GRID2: variants seen among roughly 807,000 people sequenced by gnomAD.
GRID2 encodes the protein glutamate ionotropic receptor delta type subunit 2, also known as glutamate receptor ionotropic, delta-2.
GRID2 carries 33 observed loss-of-function variants against 114.8 expected under a neutral mutation model. The observed-to-expected ratio is 0.29, with a 90% confidence interval of 0.22 to 0.38. GRID2 has a LOEUF of 0.38. Ranked by LOEUF, GRID2 falls within the 10% of genes least tolerant of loss-of-function variation. The pLI, the probability that GRID2 is intolerant of heterozygous loss-of-function variation, is 1.00. For missense variants in GRID2, 1,184 were observed against 1,257.7 expected (o/e 0.94, Z 0.89); for synonymous variants, 505 against 449.9 (o/e 1.12, Z -1.55).
At chr4:93,227,439 G>T (rs1307197039) in intron 7 of GRID2, among the ~76,000 whole-genome samples, 1 of 151,968 alleles carries the variant, frequency 6.6e-6, no homozygotes, top group Non-Finnish European at 1.5e-5. Context: ...ATGTTGGCCA[G>T]GCCGTTCTTG....
intron 14 of GRID2, among the ~76,000 whole-genome samples, chr4:93,669,962 C>G (rs1373247925): frequency 6.6e-6 from 1 of 152,152 alleles, no homozygotes; most frequent in African/African-American, 2.4e-5. Flanking sequence ...ATGCTATACC[C>G]TTGAAATACC....
intron 2 of GRID2, among the ~76,000 whole-genome samples, chr4:93,055,302 T>C (rs1727119955): frequency 6.6e-6 from 1 of 151,906 alleles, no homozygotes; most frequent in Non-Finnish European, 1.5e-5. Flanking sequence ...ATGAGGTTGC[T>C]AGGTTGACAA....
rs1426583840 is a variant in GRID2, at chr4:93,085,014, A to G, written c.264A>G (p.Gln88=). Residue 88 remains glutamine (Q), a synonymous_variant, in exon 3 of 16, where the codon CAA becomes CAG. Transcript: ENST00000282020. ...AVQEACELMN[Q]GILALVSSIG... ...TTGCAGCCTGTGAACTTATGAATCA[A>G]GGCATCTTGGCCCTGGTCAGCTCCA... is the stretch of plus-strand genomic sequence containing the variant. The G allele has an allele frequency of 6.2e-7, 1 of 1,613,822 alleles. No homozygotes were observed. The highest frequency in any genetic ancestry group is 2.2e-5 in the East Asian group (1 of 44,880).
intron 2 of GRID2, among the ~76,000 whole-genome samples, chr4:92,883,569 A>C (rs1746164454): frequency 6.6e-6 from 1 of 152,154 alleles, no homozygotes; most frequent in East Asian, 1.9e-4. Context: ...TAAGAAATAC[A>C]TTTCTTAAAT....
At chr4:93,591,553 G>A (rs1258632300) in intron 13 of GRID2, among the ~76,000 whole-genome samples, 2 of 152,152 alleles carry the variant, frequency 1.3e-5, no homozygotes, top group African/African-American at 4.8e-5. Context: ...TTTGGTATCA[G>A]AATGATGCTG....
At chr4:92,494,960 T>C (rs1297969881) in intron 1 of GRID2, among the ~76,000 whole-genome samples, 2 of 152,006 alleles carry the variant, frequency 1.3e-5, no homozygotes, top group African/African-American at 4.8e-5. Context: ...TTTATATTAT[T>C]GGGATGAAGC....
In GRID2 at chr4:93,213,098, T is replaced by G. The variant is rs187223409; in HGVS notation, c.790-3640T>G. Among the ~76,000 whole-genome samples the G allele has an allele frequency of 3.2e-4, 49 of 152,228 alleles. No individual in the cohort carries two copies. In the South Asian group the frequency reaches 5.0e-3, roughly 15 times the overall value. Reference sequence around the variant, plus strand: ...AGTTTGGGGGGTTTTGTTGTTGTTTTGAGATTTAAAAAGCCTATATGTGTA... The same window carrying G: ...AGTTTGGGGGGTTTTGTTGTTGTTTGGAGATTTAAAAAGCCTATATGTGTA... On this transcript the variant is annotated intron_variant, in intron 5 of 15. Coordinates refer to ENST00000282020, the MANE Select transcript of GRID2 (RefSeq NM_001510.4).
intron 4 of GRID2, among the ~76,000 whole-genome samples, chr4:93,162,648 G>A (rs1487434781): frequency 6.6e-6 from 1 of 151,846 alleles, no homozygotes; most frequent in African/African-American, 2.4e-5. Context: ...CATCAACCTG[G>A]AATCATTTTT....
At chr4:93,492,957 T>C (rs1452109459) in intron 12 of GRID2, among the ~76,000 whole-genome samples, 1 of 151,830 alleles carries the variant, frequency 6.6e-6, no homozygotes, top group Non-Finnish European at 1.5e-5. Flanking sequence ...TTCTACGAGT[T>C]TGACTTTTCT....
At chr4:92,574,233 T>C (rs1307120610) in intron 1 of GRID2, among the ~76,000 whole-genome samples, 2 of 152,160 alleles carry the variant, frequency 1.3e-5, no homozygotes, top group African/African-American at 2.4e-5. Context: ...CAATGGGTTT[T>C]AGTTCTGTAC....
chr4:92,676,591 A>G (rs1227368022), intron 2 of GRID2, among the ~76,000 whole-genome samples: 1 of 152,050 alleles, frequency 6.6e-6, no homozygotes, highest in Non-Finnish European at 1.5e-5. Context: ...TGGAGCATGG[A>G]CTTAATTTAA....
At chr4:92,579,818 A>G (rs1367797025) in intron 1 of GRID2, among the ~76,000 whole-genome samples, 1 of 151,200 alleles carries the variant, frequency 6.6e-6, no homozygotes, top group Non-Finnish European at 1.5e-5. Context: ...TTATTAAAAT[A>G]CTATTTAGAA....
intron 13 of GRID2, among the ~76,000 whole-genome samples, chr4:93,595,190 T>C (rs2149626617): frequency 6.6e-6 from 1 of 152,374 alleles, no homozygotes; most frequent in African/African-American, 2.4e-5. Context: ...GGAAGCCTCC[T>C]GTAATATCCC....
intron 1 of GRID2, among the ~76,000 whole-genome samples, chr4:92,336,037 T>G (rs745552784): frequency 7.9e-5 from 12 of 152,184 alleles, no homozygotes; most frequent in Non-Finnish European, 1.5e-4. Flanking sequence ...TGGCTAACAT[T>G]ATAATGTATG....
intron 4 of GRID2, among the ~76,000 whole-genome samples, chr4:93,145,611 A>G (rs1330391670): frequency 2.4e-5 from 3 of 124,340 alleles, no homozygotes; most frequent in African/African-American, 9.1e-5. Context: ...GGTGCCTGAC[A>G]CCCCACCCAG....
chr4:93,366,649 T>A (rs1442710270), intron 8 of GRID2, among the ~76,000 whole-genome samples: 4 of 152,058 alleles, frequency 2.6e-5, no homozygotes, highest in South Asian at 2.1e-4. Flanking sequence ...CCCTCCCCTT[T>A]TGAAAATCCC....
chr4:92,347,545 C>A (rs1039639488), intron 1 of GRID2, among the ~76,000 whole-genome samples: 4 of 152,098 alleles, frequency 2.6e-5, no homozygotes, highest in African/African-American at 9.7e-5. Context: ...GTTGACAGAA[C>A]CATTAATTTC....
intron 2 of GRID2, among the ~76,000 whole-genome samples, chr4:92,775,200 A>G (rs879048752): frequency 6.6e-6 from 1 of 152,146 alleles, no homozygotes. Flanking sequence ...CTAGGGTAGC[A>G]GTTCTTAAAA....
intron 2 of GRID2, among the ~76,000 whole-genome samples, chr4:92,773,311 G>A (rs1738624839): frequency 6.6e-6 from 1 of 152,118 alleles, no homozygotes; most frequent in African/African-American, 2.4e-5. Context: ...CATTTTAACA[G>A]ATTAGGTTCT....
Sources: allele counts gnomAD v4.1 joint callset (sites outside exome capture counted in the v4.1 genomes callset), GRCh38; gene constraint gnomAD v4.1.1; transcripts MANE v1.5; gene names NCBI Gene and HGNC (gene_info 2026-07-23, HGNC 2026-07-21).